The following KCTD1 variants were observed in gnomAD, a reference collection of about 807,000 sequenced individuals.
KCTD1 encodes BTB/POZ domain-containing protein KCTD1.
Under a neutral mutation model 66.0 loss-of-function variants are expected in KCTD1, and 24 were observed. The ratio of observed to expected loss-of-function variants is 0.36; its 90% CI spans 0.26 to 0.51. KCTD1 has a LOEUF of 0.51. Ranked by LOEUF, KCTD1 falls within the 20% of genes least tolerant of loss-of-function variation. The pLI is 0.95. For synonymous variants in KCTD1, 511 were observed against 517.2 expected, an observed-to-expected ratio of 0.99 and a Z score of 0.16; for missense variants, 943 against 1,205.2, an observed-to-expected ratio of 0.78 and a Z score of 3.22.
Position 26,621,087 on chromosome 18 carries a change from C to T in KCTD1, c.-16+8060G>A, listed in dbSNP as rs192309829. On this transcript the variant is annotated intron_variant, in intron 1 of 4. Coordinates refer to the KCTD1 transcript ENST00000317932. ...TGACCTCGTGATCCACCCGCCTCCG[C>T]CTCCCAAAGTGCCGGGATTACAGGC... is the stretch of plus-strand genomic sequence containing the variant. Among the ~76,000 whole-genome samples, 1,143 of 152,322 alleles carry T rather than the reference C, an allele frequency of 7.5e-3. 9 individuals are homozygous for T. The highest frequency in any genetic ancestry group is 0.013 in the Non-Finnish European group (892 of 68,030).
intron 1 of KCTD1, among the ~76,000 whole-genome samples, chr18:26,607,939 T>A (rs1987053709): frequency 6.6e-6 from 1 of 152,132 alleles, no homozygotes; most frequent in Admixed American, 6.5e-5. Flanking sequence ...GGCTAATTTT[T>A]AAAAATTTGT....
At chr18:26,619,803 C>T (rs1364627280) in intron 1 of KCTD1, among the ~76,000 whole-genome samples, 2 of 152,168 alleles carry the variant, frequency 1.3e-5, no homozygotes, top group African/African-American at 4.8e-5. Context: ...AGATGAAGAG[C>T]TCACTTATTC....
chr18:26,604,819 C>T (rs1430183007), intron 1 of KCTD1, among the ~76,000 whole-genome samples: 8 of 152,086 alleles, frequency 5.3e-5, no homozygotes, highest in African/African-American at 1.9e-4. Flanking sequence ...ATGAAATAAT[C>T]TGTACAATTA....
chr18:26,634,142 C>A (rs149996452), upstream of KCTD1, among the ~76,000 whole-genome samples: 293 of 152,176 alleles, frequency 1.9e-3, no homozygotes, highest in Non-Finnish European at 3.7e-3. Context: ...ATATATGTAT[C>A]AGTATGTTTA....
chr18:26,655,772 C>CT (rs1371372102), intron 1 of KCTD1: 1 of 152,278 alleles, frequency 6.6e-6, no homozygotes, highest in African/African-American at 2.4e-5. Context: ...CAAAGGCAGA[C>CT]TGTCTACCCG....
At chr18:26,593,432 GGAGGAGGAAGACAAGGAGGAT>G (rs1450973406) in intron 1 of KCTD1, among the ~76,000 whole-genome samples, 2 of 148,438 alleles carry the variant, frequency 1.3e-5, no homozygotes, top group African/African-American at 5.0e-5. Flanking sequence ...AAGATGAGGA[GGAGGAGGAAGACAAGGAGGAT>G]GAGGAGGAAG....
intron 2 of KCTD1, among the ~76,000 whole-genome samples, chr18:26,500,772 TCAC>T (rs374327555): frequency 6.0e-4 from 91 of 152,262 alleles, no homozygotes; most frequent in South Asian, 1.2e-3. Context: ...TGGGGAGAAA[TCAC>T]CATCTTTTTT....
chr18:26,463,409 C>A (rs1384808451), intron 3 of KCTD1, among the ~76,000 whole-genome samples: 1 of 151,426 alleles, frequency 6.6e-6, no homozygotes, highest in Non-Finnish European at 1.5e-5. Flanking sequence ...CGAGAAAGAC[C>A]CATCTCAAAA....
At chr18:26,613,991 C>A (rs551986526) in intron 1 of KCTD1, among the ~76,000 whole-genome samples, 7 of 152,170 alleles carry the variant, frequency 4.6e-5, no homozygotes, top group Non-Finnish European at 8.8e-5. Flanking sequence ...TGCAGCCCCA[C>A]CACCCCTTCC....
At chr18:26,535,259 A>T (rs192274779) in intron 1 of KCTD1, among the ~76,000 whole-genome samples, 241 of 152,184 alleles carry the variant, frequency 1.6e-3, no homozygotes, top group Non-Finnish European at 2.9e-3. Context: ...TCAGAACTGC[A>T]TTCCTTTTCT....
At chr18:26,535,250 C>A (rs1038189746) in intron 1 of KCTD1, among the ~76,000 whole-genome samples, 3 of 152,144 alleles carry the variant, frequency 2.0e-5, no homozygotes, top group Admixed American at 1.3e-4. Flanking sequence ...ATAACTGCAT[C>A]AGAACTGCAT....
intron 1 of KCTD1, chr18:26,657,301 A>C (rs1278343172): frequency 1.0e-6 from 1 of 984,220 alleles, no homozygotes; most frequent in Non-Finnish European, 1.2e-6. Context: ...AGTTGCGCCC[A>C]AAGTCCCAGC....
chr18:26,601,107 C>T (rs1986885110), intron 1 of KCTD1, among the ~76,000 whole-genome samples: 1 of 151,902 alleles, frequency 6.6e-6, no homozygotes, highest in Admixed American at 6.6e-5. Context: ...TAGAATAGGG[C>T]CTGTCTGCCC....
At chr18:26,486,941 G>A (rs892197848) in intron 2 of KCTD1, among the ~76,000 whole-genome samples, 7 of 152,112 alleles carry the variant, frequency 4.6e-5, no homozygotes, top group Admixed American at 2.0e-4. Flanking sequence ...TTAACACAGC[G>A]CTTAATTCAA....
At chr18:26,608,778 G>A (rs988916975) in intron 1 of KCTD1, among the ~76,000 whole-genome samples, 2 of 152,134 alleles carry the variant, frequency 1.3e-5, no homozygotes, top group African/African-American at 2.4e-5. Flanking sequence ...GAAATCCATC[G>A]GCAAGAAGTG....
intron 1 of KCTD1, among the ~76,000 whole-genome samples, chr18:26,525,613 C>A (rs1295584710): frequency 6.6e-6 from 1 of 152,218 alleles, no homozygotes; most frequent in East Asian, 1.9e-4. Flanking sequence ...CCAAAGCCCA[C>A]ATCTAAGCAG....
intron 1 of KCTD1, among the ~76,000 whole-genome samples, chr18:26,541,644 T>C (rs1452497250): frequency 6.6e-6 from 1 of 152,208 alleles, no homozygotes. Flanking sequence ...GGAGTATCAC[T>C]GAAAACCCAG....
At position 26,468,874 on chromosome 18, in the gene KCTD1, T is replaced by C. The variant is rs113487352; in HGVS notation, c.2133+7641A>G. On this transcript the variant is annotated intron_variant, in intron 3 of 4. Coordinates refer to ENST00000580059, the MANE Select transcript of KCTD1 (RefSeq NM_001142730.3). This position sits in a 1 kb window ranked among gnomAD's most constrained non-coding sequence, Gnocchi z 4.8. ...AGAAACCAAAAAACCCCAAAAGCCA[T>C]GTCCCTCCCAGGTTCAAGAGAAAAC... 9.3e-3 allele frequency among the ~76,000 whole-genome samples: 1,419 copies of C among 152,232 alleles called. 23 individuals are homozygous for C. The highest frequency in any genetic ancestry group is 0.032 in the African/African-American group (1,347 of 41,538).
chr18:26,491,971 G>A (rs1049405596), intron 2 of KCTD1, among the ~76,000 whole-genome samples: 1 of 152,310 alleles, frequency 6.6e-6, no homozygotes, highest in African/African-American at 2.4e-5. Context: ...CTTGGGGTGG[G>A]CATGGTGGCT....
Sources: gnomAD v4.1 joint callset for allele counts (sites outside exome capture counted in the v4.1 genomes callset) on GRCh38, gnomAD v4.1.1 for gene constraint, Gnocchi (gnomAD v3.1) non-coding constraint, MANE v1.5 for transcripts, NCBI Gene and HGNC (gene_info 2026-07-23, HGNC 2026-07-21) for gene names.